Variants in CA13 observed in about 807,000 individuals in gnomAD.
The protein encoded by CA13 is carbonic anhydrase 13, also known as CA-XIII.
CA13 carries 21 observed loss-of-function variants against 31.5 expected under a neutral mutation model. The observed-to-expected ratio is 0.67, with a 90% CI of 0.47 to 0.96. CA13 has a LOEUF of 0.96. Ranked by LOEUF, CA13 falls within the 40% of genes least tolerant of loss-of-function variation. The pLI, the probability that CA13 is intolerant of heterozygous loss-of-function variation, is 0.00. For synonymous variants in CA13, 117 were observed against 111.4 expected (o/e 1.05, Z -0.32); for missense variants, 315 against 318.9 (o/e 0.99, Z 0.09).
rs1807741329 is a variant in CA13, at chr8:85,283,770, A to C, written c.*2421A>C. 1 of 152,610 alleles carries C rather than the reference A, an allele frequency of 6.6e-6. No individual in the cohort carries two copies. Among genetic ancestry groups the C allele is most frequent in the Non-Finnish European group, 1.5e-5 (1 of 68,036 alleles). 9.5% of individuals were successfully genotyped at this position (152,610 alleles called of 1,614,324 possible). A position where few individuals can be genotyped will look rare whatever the true frequency, so the allele number is the denominator to read the frequency against. On this transcript the variant is annotated 3_prime_UTR_variant, in exon 7 of 7. Transcript: ENST00000321764. Reference sequence around the variant, plus strand: ...TGTGAGAGTTACTACTTTGTAACTTATGGTTTCTGCTTCAGTATTGTGTTG... The same window carrying C: ...TGTGAGAGTTACTACTTTGTAACTTCTGGTTTCTGCTTCAGTATTGTGTTG...
At chr8:85,274,404 C>T (rs1807570435) in intron 6 of CA13, among the ~76,000 whole-genome samples, 1 of 152,010 alleles carries the variant, frequency 6.6e-6, no homozygotes, top group African/African-American at 2.4e-5. Context: ...GATTACTGTC[C>T]CTACCAGTAT....
chr8:85,246,008 GGGAGCCCAGTGCGAGAAGC>G, intron 1 of CA13, 143 bp downstream of exon 1: 1 of 931,216 alleles, frequency 1.1e-6, no homozygotes, highest in Admixed American at 1.8e-5. Context: ...CAGCACTCCT[GGGAGCCCAGTGCGAGAAGC>G]GGAGAGCAGT....
intron 6 of CA13, among the ~76,000 whole-genome samples, chr8:85,278,353 A>T (rs1216399993): frequency 2.0e-5 from 3 of 151,880 alleles, no homozygotes; most frequent in Non-Finnish European, 4.4e-5. Flanking sequence ...AGGGATCTGA[A>T]TTTTTAAGAA....
chr8:85,276,208 C>T (rs900066055), intron 6 of CA13, among the ~76,000 whole-genome samples: 1 of 152,178 alleles, frequency 6.6e-6, no homozygotes, highest in East Asian at 1.9e-4. Flanking sequence ...AGCACCTGGG[C>T]CAGCAGCTGC....
At chr8:85,265,577 A>T (rs932001775) in intron 3 of CA13, among the ~76,000 whole-genome samples, 19 of 146,924 alleles carry the variant, frequency 1.3e-4, no homozygotes. Context: ...CTCCCTCCTT[A>T]GTAGCATCAG....
intron 2 of CA13, among the ~76,000 whole-genome samples, chr8:85,255,436 G>T (rs1231637535): frequency 6.6e-6 from 1 of 151,926 alleles, no homozygotes; most frequent in Non-Finnish European, 1.5e-5. Flanking sequence ...CTAATTTTTT[G>T]TATTTTTAGT....
chr8:85,271,150 G>T (rs190024205), intron 6 of CA13, among the ~76,000 whole-genome samples: 295 of 152,284 alleles, frequency 1.9e-3, no homozygotes, highest in African/African-American at 6.8e-3. Flanking sequence ...AAAAAATTCA[G>T]TCCCAGTCTA....
chr8:85,257,908 T>A lies in CA13; in HGVS notation c.236-1513T>A, dbSNP rs569492966. 3.7e-3 allele frequency among the ~76,000 whole-genome samples: 544 copies of A among 148,664 alleles called. 3 individuals are homozygous for A. The highest frequency in any genetic ancestry group is 0.011 in the Middle Eastern group (3 of 284). Reference sequence around the variant, plus strand: ...CAGCCTCCCAAAGTGCTGGGATTACTGGTGTGAACCACCACACCCAGCCAA... The same window carrying A: ...CAGCCTCCCAAAGTGCTGGGATTACAGGTGTGAACCACCACACCCAGCCAA... On this transcript the variant is annotated intron_variant, in intron 2 of 6. Transcript: ENST00000321764.
intron 6 of CA13, among the ~76,000 whole-genome samples, chr8:85,276,872 C>G (rs912183455): frequency 6.6e-6 from 1 of 151,906 alleles, no homozygotes; most frequent in East Asian, 1.9e-4. Flanking sequence ...ATACACCAAT[C>G]GGCACTCTTT....
At chr8:85,260,555 T>C (rs910097766) in intron 3 of CA13, among the ~76,000 whole-genome samples, 1 of 152,174 alleles carries the variant, frequency 6.6e-6, no homozygotes, top group Non-Finnish European at 1.5e-5. Context: ...CCCTTTCAGG[T>C]TTTCATCTGA....
rs750914063 is a variant in CA13, at chr8:85,266,673, T to G, written c.420T>G (p.Asp140Glu). The change falls in exon 4 of 7, where the codon GAT becomes GAG. Residue 140 changes from aspartate (D) to glutamate (E), a missense_variant. Coordinates refer to ENST00000321764, the MANE Select transcript of CA13 (RefSeq NM_198584.3). ...TTGTTGAGGCAGCTCATGAACCAGA[T>G]GGACTGGCTGTCTTGGGAGTGTTTT... The part of the protein sequence containing the change: ...PSFVEAAHEP[D>E]GLAVLGVFLQ... 3 of 1,613,996 alleles carry G rather than the reference T, an allele frequency of 1.9e-6. No homozygotes were observed. Among genetic ancestry groups the G allele is most frequent in the African/African-American group, 2.7e-5 (2 of 75,058 alleles).
intron 1 of CA13, among the ~76,000 whole-genome samples, chr8:85,250,248 T>G (rs571152617): frequency 4.6e-5 from 7 of 152,290 alleles, no homozygotes; most frequent in African/African-American, 1.7e-4. Flanking sequence ...CACTAGACGA[T>G]AGCATTGAGT....
At position 85,245,471 on chromosome 8, in the gene CA13, A is replaced by G. The variant is rs763438286; in HGVS notation, c.-358A>G. 8.1e-6 allele frequency: 2 copies of G among 246,100 alleles called. No homozygotes were observed. Among genetic ancestry groups the G allele is most frequent in the Non-Finnish European group, 1.6e-5 (2 of 128,278 alleles). 15.2% of individuals were successfully genotyped at this position (246,100 alleles called of 1,614,324 possible). A position where few individuals can be genotyped will look rare whatever the true frequency, so the allele number is the denominator to read the frequency against. On this transcript the variant is annotated 5_prime_UTR_variant, in exon 1 of 7. Transcript: ENST00000321764. ...CTCTGGTGACTCATTCACTTCCTGG[A>G]AGTCCTCTAGGCAACACTTTCCTCT... is the stretch of plus-strand genomic sequence containing the variant.
intron 6 of CA13, among the ~76,000 whole-genome samples, chr8:85,269,030 G>C (rs1587542656): frequency 6.6e-6 from 1 of 152,274 alleles, no homozygotes; most frequent in East Asian, 1.9e-4. Context: ...TTTTCTTTCT[G>C]ACCTTAGTCC....
intron 6 of CA13, among the ~76,000 whole-genome samples, chr8:85,278,080 G>T (rs1192130106): frequency 2.0e-5 from 3 of 151,292 alleles, no homozygotes; most frequent in African/African-American, 7.3e-5. Flanking sequence ...GGCCAACATA[G>T]CGAAACCCTG....
At chr8:85,256,486 G>C (rs138567841) in intron 2 of CA13, among the ~76,000 whole-genome samples, 1 of 152,280 alleles carries the variant, frequency 6.6e-6, no homozygotes, top group Non-Finnish European at 1.5e-5. Flanking sequence ...TCTCAGTTAT[G>C]CTTCCATTAT....
intron 3 of CA13, among the ~76,000 whole-genome samples, chr8:85,260,541 T>C (rs1360923521): frequency 6.6e-6 from 1 of 152,228 alleles, no homozygotes; most frequent in Non-Finnish European, 1.5e-5. Context: ...GACATGTACC[T>C]CTGCCCTTTC....
intron 1 of CA13, among the ~76,000 whole-genome samples, chr8:85,249,407 A>C (rs978597834): frequency 6.7e-6 from 1 of 149,890 alleles, no homozygotes; most frequent in Admixed American, 6.7e-5. Context: ...AGGTGGAAGG[A>C]TTGTTTGAGT....
intron 1 of CA13, chr8:85,246,177 G>A: frequency 1.9e-6 from 1 of 520,688 alleles, no homozygotes. Context: ...CCTAGTAACA[G>A]CCACGTATCA....
Sources: gnomAD v4.1 joint callset for allele counts (sites outside exome capture counted in the v4.1 genomes callset) on GRCh38, gnomAD v4.1.1 for gene constraint, MANE v1.5 for transcripts, NCBI Gene and HGNC (gene_info 2026-07-23, HGNC 2026-07-21) for gene names.